DEGS2: variants seen among roughly 807,000 people sequenced by gnomAD.
DEGS2 encodes sphingolipid delta(4)-desaturase/C4-monooxygenase DES2.
DEGS2 carries 19 observed loss-of-function variants against 23.8 expected under a neutral mutation model. That is an observed-to-expected ratio of 0.80 (90% CI 0.56 to 1.17). The LOEUF is 1.17. Among genes scored for constraint, DEGS2 ranks in the 50% most tolerant of loss-of-function variants. The pLI is 0.00. For missense variants in DEGS2, 390 were observed against 459.5 expected (o/e 0.85, Z 1.38); for synonymous variants, 218 against 213.7 (o/e 1.02, Z -0.18).
chr14:100,156,243 C>G (rs1889655768), intron 1 of DEGS2, among the ~76,000 whole-genome samples: 1 of 152,254 alleles, frequency 6.6e-6, no homozygotes, highest in Non-Finnish European at 1.5e-5. Context: ...TGTGTGTTCC[C>G]CGGCAAGTTG....
At chr14:100,157,814 G>T (rs114761881) in intron 1 of DEGS2, among the ~76,000 whole-genome samples, 1 of 152,174 alleles carries the variant, frequency 6.6e-6, no homozygotes, top group African/African-American at 2.4e-5. Flanking sequence ...TTGGCTGGGC[G>T]CAGTGGCTCA....
the DEGS2 span, among the ~76,000 whole-genome samples, chr14:100,166,595 A>G: frequency 6.6e-6 from 1 of 152,064 alleles, no homozygotes; most frequent in East Asian, 1.9e-4. Flanking sequence ...CTCCCTGAGC[A>G]CGAGCTTACC....
intron 1 of DEGS2, among the ~76,000 whole-genome samples, chr14:100,156,897 G>T (rs1278869017): frequency 6.6e-6 from 1 of 152,344 alleles, no homozygotes; most frequent in South Asian, 2.1e-4. Context: ...ACAACAGGTG[G>T]AAAGGAAGCC....
Position 100,149,439 on chromosome 14 carries a change from C to T in DEGS2, c.354G>A (p.Val118=), listed in dbSNP as rs955471321. ...ACTTCTTGAAGGAGGCGGCGTAGGG[C>T]ACACCCACGGGCAGGTTGGCGAACA... ...LAVFANLPVG[V]PYAASFKKYH... Residue 118 remains valine, a synonymous_variant, in exon 2 of 3, where the codon GTG becomes GTA. Coordinates refer to ENST00000305631, the MANE Select transcript of DEGS2 (RefSeq NM_206918.3). 1 of 1,598,154 alleles carries T rather than the reference C, an allele frequency of 6.3e-7. No individual in the cohort carries two copies. Among genetic ancestry groups the T allele is most frequent in the Non-Finnish European group, 8.5e-7 (1 of 1,171,652 alleles).
chr14:100,159,438 C>T, intron 1 of DEGS2, 68 bp downstream of exon 1: 2 of 1,280,744 alleles, frequency 1.6e-6, no homozygotes, highest in South Asian at 1.6e-5. Flanking sequence ...TGGGCTCGAC[C>T]CCACGACGCG....
Position 100,149,612 on chromosome 14 carries a change from C to T in DEGS2, c.181G>A (p.Val61Met), listed in dbSNP as rs1303049109. 1.2e-6 allele frequency: 2 copies of T among 1,611,484 alleles called. No individual in the cohort carries two copies. Among genetic ancestry groups the T allele is most frequent in the African/African-American group, 2.7e-5 (2 of 74,922 alleles). ...VLVQMLACWLVRGLAWRWLLF... is the reference protein window; with the variant it reads ...VLVQMLACWLMRGLAWRWLLF... ...AGCCAGCGCCAGGCCAGCCCGCGCA[C>T]CAGCCAGCAGGCCAGCATCTGCACC... Residue 61 changes from valine to methionine, a missense_variant, in exon 2 of 3, where the codon GTG becomes ATG. Coordinates refer to ENST00000305631, the MANE Select transcript of DEGS2 (RefSeq NM_206918.3).
chr14:100,165,119 G>A, the DEGS2 span, among the ~76,000 whole-genome samples: 39 of 152,230 alleles, frequency 2.6e-4, no homozygotes, highest in African/African-American at 9.4e-4. Context: ...CTTCTCAGAT[G>A]CCAGTGACCA....
At chr14:100,152,929 G>A (rs1889597563) in intron 1 of DEGS2, among the ~76,000 whole-genome samples, 1 of 151,988 alleles carries the variant, frequency 6.6e-6, no homozygotes, top group Non-Finnish European at 1.5e-5. Flanking sequence ...AGGGAGGGAG[G>A]GAAAGGGAAG....
At chr14:100,160,477 C>T (rs1489776889), upstream of DEGS2, among the ~76,000 whole-genome samples, 1 of 152,208 alleles carries the variant, frequency 6.6e-6, no homozygotes, top group Non-Finnish European at 1.5e-5. Flanking sequence ...CCTGAATGTT[C>T]TCAAATGGAA....
chr14:100,159,281 T>G (rs958495933), intron 1 of DEGS2, among the ~76,000 whole-genome samples: 1 of 152,202 alleles, frequency 6.6e-6, no homozygotes, highest in Non-Finnish European at 1.5e-5. Flanking sequence ...GGACCCGTAC[T>G]GGGGTCCTCG....
intron 1 of DEGS2, among the ~76,000 whole-genome samples, chr14:100,151,721 A>G (rs1288297611): frequency 2.6e-5 from 4 of 152,246 alleles, no homozygotes; most frequent in Non-Finnish European, 4.4e-5. Flanking sequence ...GTCCCAACCC[A>G]CTGGGCAGAA....
rs1183575977 is a variant in DEGS2, at chr14:100,146,460, C to T, written c.*301G>A. On this transcript the variant is annotated 3_prime_UTR_variant, in exon 3 of 3. Transcript: ENST00000305631. ...GGTTTAATGTAGGGCACAGGCACCC[C>T]GGAGAAGTCAGCTCCGTGGGAACCG... is the stretch of plus-strand genomic sequence containing the variant. 6 of 375,662 alleles carry T rather than the reference C, an allele frequency of 1.6e-5. No individual in the cohort carries two copies. The highest frequency in any genetic ancestry group is 5.5e-5 in the East Asian group (1 of 18,232). 23.3% of individuals were successfully genotyped at this position (375,662 alleles called of 1,614,324 possible). A position where few individuals can be genotyped will look rare whatever the true frequency, so the allele number is the denominator to read the frequency against.
At chr14:100,152,533 C>A (rs1889590046) in intron 1 of DEGS2, among the ~76,000 whole-genome samples, 1 of 152,168 alleles carries the variant, frequency 6.6e-6, no homozygotes, top group African/African-American at 2.4e-5. Context: ...ACAAGGGTCT[C>A]CCTCCTGTCT....
chr14:100,165,537 G>C, the DEGS2 span, among the ~76,000 whole-genome samples: 1 of 152,244 alleles, frequency 6.6e-6, no homozygotes, highest in Non-Finnish European at 1.5e-5. Flanking sequence ...GCAGGGTGGA[G>C]TGAGGCGCCA....
At chr14:100,163,267 CCT>C (rs1889770552), upstream of DEGS2, among the ~76,000 whole-genome samples, 1 of 151,698 alleles carries the variant, frequency 6.6e-6, no homozygotes, top group African/African-American at 2.4e-5. Context: ...ATGATGAAAC[CCT>C]GTCTCTACTA....
chr14:100,162,832 C>G (rs1400305543), upstream of DEGS2, among the ~76,000 whole-genome samples: 1 of 152,190 alleles, frequency 6.6e-6, no homozygotes, highest in African/African-American at 2.4e-5. Flanking sequence ...CAGGATGGGC[C>G]TCCACCCAAA....
chr14:100,159,495 G>C lies in DEGS2; in HGVS notation c.82+11C>G, dbSNP rs757512074. On this transcript the variant is annotated intron_variant, in intron 1 of 2. Transcript: ENST00000305631. The stretch of plus-strand genomic sequence containing the variant: ...CGGTCCCCACCGGGGTGGGCCCCGC[G>C]CGGCGCTCACCCAGTATCTCCTTGC... 1 of 1,486,610 alleles carries C rather than the reference G, an allele frequency of 6.7e-7. No homozygotes were observed. Among genetic ancestry groups the C allele is most frequent in the East Asian group, 2.9e-5 (1 of 34,872 alleles). The allele number at this position is 1,486,610 out of a possible 1,614,324, so 92.1% of individuals were successfully genotyped here.
At chr14:100,149,809 G>A (rs1595275795) in intron 1 of DEGS2, 99 bp from the exon 2 acceptor site, 2 of 1,311,206 alleles carry the variant, frequency 1.5e-6, no homozygotes, top group South Asian at 1.4e-5. Context: ...GAAGGTGGGA[G>A]TGGCCAGCAA....
intron 1 of DEGS2, among the ~76,000 whole-genome samples, chr14:100,158,027 C>T (rs532621695): frequency 1.5e-5 from 2 of 131,318 alleles, no homozygotes; most frequent in African/African-American, 2.9e-5. Flanking sequence ...GCGGAGGTTG[C>T]GGTGAGTGGA....
Sources: allele counts gnomAD v4.1 joint callset (sites outside exome capture counted in the v4.1 genomes callset), GRCh38; gene constraint gnomAD v4.1.1; transcripts MANE v1.5; gene names NCBI Gene and HGNC (gene_info 2026-07-23, HGNC 2026-07-21).